ZNF536: variants seen among roughly 807,000 people sequenced by gnomAD.
ZNF536 encodes zinc finger protein 536.
In ZNF536, 13 loss-of-function variants were observed where a neutral mutation model predicts 84.5. The ratio of observed to expected loss-of-function variants is 0.15; its 90% CI spans 0.10 to 0.24. The LOEUF is 0.24. ZNF536 is among the 10% of genes least tolerant of loss of function. The pLI, the probability that ZNF536 is intolerant of heterozygous loss-of-function variation, is 1.00. For missense variants in ZNF536, 1,536 were observed against 1,747.5 expected, an observed-to-expected ratio of 0.88 and a Z score of 2.16; for synonymous variants, 811 against 742.5, an observed-to-expected ratio of 1.09 and a Z score of -1.50.
intron 1 of ZNF536, among the ~76,000 whole-genome samples, chr19:30,241,808 G>A (rs745335944): frequency 9.2e-5 from 14 of 152,304 alleles, no homozygotes; most frequent in Admixed American, 2.0e-4. Flanking sequence ...CATTTCAACC[G>A]TGCCCACGAA....
intron 2 of ZNF536, among the ~76,000 whole-genome samples, chr19:30,456,350 G>T (rs796840682): frequency 6.9e-6 from 1 of 144,226 alleles, no homozygotes; most frequent in African/African-American, 2.6e-5. Flanking sequence ...AACCTCTGAG[G>T]TGTACGTTTC....
intron 3 of ZNF536, among the ~76,000 whole-genome samples, chr19:30,545,385 CTTTTTTTTTTTTT>C (rs772761287): frequency 0.04 from 2,712 of 67,642 alleles, 122 homozygotes; most frequent in African/African-American, 0.15. Flanking sequence ...TCCCATATGT[CTTTTTTTTTTTTT>C]TTTTTTTTTT....
At chr19:30,425,964 G>A (rs2051195840) in intron 1 of ZNF536, among the ~76,000 whole-genome samples, 1 of 152,158 alleles carries the variant, frequency 6.6e-6, no homozygotes, top group Admixed American at 6.5e-5. Flanking sequence ...GGAAGTCCCA[G>A]ACCCTACTAG....
chr19:30,584,344 G>C (rs530821637), intron 1 of ZNF536, among the ~76,000 whole-genome samples: 4 of 152,310 alleles, frequency 2.6e-5, no homozygotes, highest in South Asian at 4.1e-4. Flanking sequence ...CCCCAGCAGC[G>C]GGAGGATAAG....
intron 1 of ZNF536, among the ~76,000 whole-genome samples, chr19:30,257,384 T>G (rs2024967052): frequency 1.3e-5 from 2 of 152,248 alleles, no homozygotes. Flanking sequence ...AAATGTTTAA[T>G]GTTAAAAGAC....
At chr19:30,429,382 T>C (rs116020087) in intron 1 of ZNF536, among the ~76,000 whole-genome samples, 228 of 152,144 alleles carry the variant, frequency 1.5e-3, no homozygotes, top group African/African-American at 5.3e-3. Context: ...TATGCAAGGA[T>C]CTAGATCTTG....
intron 2 of ZNF536, among the ~76,000 whole-genome samples, chr19:30,332,144 GC>G (rs1267255337): frequency 1.3e-5 from 2 of 152,120 alleles, no homozygotes; most frequent in African/African-American, 2.4e-5. Context: ...TCTCTCCTGG[GC>G]TTGCTTTTCA....
chr19:30,679,712 G>C (rs764752811), intron 1 of ZNF536, among the ~76,000 whole-genome samples: 1 of 152,202 alleles, frequency 6.6e-6, no homozygotes, highest in Non-Finnish European at 1.5e-5. Context: ...GACTTGCTTG[G>C]CTGGGTCCCC....
chr19:30,338,837 T>G (rs2146513627), intron 2 of ZNF536, among the ~76,000 whole-genome samples: 1 of 152,312 alleles, frequency 6.6e-6, no homozygotes, highest in Middle Eastern at 3.4e-3. Context: ...TTTTAGTAGC[T>G]GTGCAATCTT....
chr19:30,413,888 G>A (rs945373825), intron 1 of ZNF536, among the ~76,000 whole-genome samples: 7 of 151,796 alleles, frequency 4.6e-5, no homozygotes, highest in East Asian at 3.9e-4. Context: ...TCAGGAGTTC[G>A]AGACCAGCCT....
intron 1 of ZNF536, among the ~76,000 whole-genome samples, chr19:30,657,956 C>T (rs1414897304): frequency 6.6e-6 from 1 of 152,100 alleles, no homozygotes; most frequent in East Asian, 1.9e-4. Context: ...CTAGAAGGAA[C>T]TTCTGGAAAT....
intron 1 of ZNF536, among the ~76,000 whole-genome samples, chr19:30,401,691 CTATTT>C (rs1478302831): frequency 6.6e-6 from 1 of 152,090 alleles, no homozygotes; most frequent in African/African-American, 2.4e-5. Flanking sequence ...ATATGTTTTT[CTATTT>C]CTATTCAAAG....
intron 1 of ZNF536, among the ~76,000 whole-genome samples, chr19:30,614,813 A>AT (rs914312977): frequency 1.3e-4 from 20 of 148,496 alleles, no homozygotes; most frequent in Admixed American, 3.3e-4. Context: ...GATTTTGTTT[A>AT]TTTTTTTATC....
intron 3 of ZNF536, among the ~76,000 whole-genome samples, chr19:30,356,033 GC>G: frequency 6.6e-6 from 1 of 152,176 alleles, no homozygotes; most frequent in Non-Finnish European, 1.5e-5. Context: ...GGCCCAGAGT[GC>G]CACTCTTAAG....
At chr19:30,317,892 C>G (rs1233775241) in intron 2 of ZNF536, among the ~76,000 whole-genome samples, 1 of 152,212 alleles carries the variant, frequency 6.6e-6, no homozygotes, top group Non-Finnish European at 1.5e-5. Flanking sequence ...CACTTGAATG[C>G]AGATCATATC....
chr19:30,438,302 G>A (rs534548660), intron 1 of ZNF536, among the ~76,000 whole-genome samples: 54 of 151,902 alleles, frequency 3.6e-4, no homozygotes, highest in Non-Finnish European at 7.1e-4. Flanking sequence ...CTTTATGTCC[G>A]TGTATACCCA....
intron 2 of ZNF536, among the ~76,000 whole-genome samples, chr19:30,489,366 G>A (rs998928389): frequency 6.6e-6 from 1 of 152,178 alleles, no homozygotes; most frequent in African/African-American, 2.4e-5. Context: ...GATTCCTTGA[G>A]ACCAGGAGTT....
intron 1 of ZNF536, among the ~76,000 whole-genome samples, chr19:30,654,835 C>T (rs952122782): frequency 5.9e-5 from 9 of 151,950 alleles, no homozygotes; most frequent in African/African-American, 2.2e-4. Context: ...ACCCACCCCC[C>T]ACACACCCCC....
intron 2 of ZNF536, among the ~76,000 whole-genome samples, chr19:30,506,101 G>C (rs1260911755): frequency 2.0e-5 from 3 of 151,454 alleles, no homozygotes; most frequent in African/African-American, 7.3e-5. Context: ...TACAGCAGCA[G>C]GTAGAGTATG....
Sources: gnomAD v4.1 joint callset for allele counts (sites outside exome capture counted in the v4.1 genomes callset) on GRCh38, gnomAD v4.1.1 for gene constraint, MANE v1.5 for transcripts, NCBI Gene and HGNC (gene_info 2026-07-23, HGNC 2026-07-21) for gene names.